DNAH5: variants seen among roughly 807,000 people sequenced by gnomAD.
DNAH5 encodes dynein axonemal heavy chain 5.
A neutral mutation model predicts 518.2 loss-of-function variants in DNAH5; 372 were observed. The ratio of observed to expected loss-of-function variants is 0.72; its 90% confidence interval spans 0.66 to 0.78. The LOEUF is 0.78. DNAH5 is among the 30% of genes least tolerant of loss of function. The probability of loss-of-function intolerance (pLI) is 0.00; values close to 1 mark genes in which losing one functional copy is unlikely to be tolerated. For missense variants in DNAH5, 5,523 were observed against 5,687.0 expected, an observed-to-expected ratio of 0.97 and a Z score of 0.93; for synonymous variants, 2,039 against 2,025.9, an observed-to-expected ratio of 1.01 and a Z score of -0.17.
At chr5:13,793,856 A>C in intron 48 of DNAH5, 80 bp downstream of exon 48, 2 of 1,547,980 alleles carry the variant, frequency 1.3e-6, no homozygotes, top group Non-Finnish European at 1.7e-6. Flanking sequence ...GTAAAAACTT[A>C]AAAAAAATTT....
At chr5:13,973,615 C>G (rs1782024518) in intron 1 of DNAH5, among the ~76,000 whole-genome samples, 1 of 151,604 alleles carries the variant, frequency 6.6e-6, no homozygotes, top group East Asian at 1.9e-4. Flanking sequence ...AGTTAATCTT[C>G]TTTTAGAAAA....
intron 1 of DNAH5, among the ~76,000 whole-genome samples, chr5:13,958,219 A>C (rs933060327): frequency 1.3e-5 from 2 of 152,018 alleles, no homozygotes; most frequent in African/African-American, 2.4e-5. Context: ...AATTTCAATA[A>C]ATTATTATAA....
At position 13,896,910 on chromosome 5, in the gene DNAH5, T is replaced by C. The variant is rs182649017; in HGVS notation, c.2260-2089A>G. Among the ~76,000 whole-genome samples the C allele has an allele frequency of 4.9e-3, 746 of 152,344 alleles. 7 individuals are homozygous for C. The highest frequency in any genetic ancestry group is 8.3e-3 in the Non-Finnish European group (567 of 68,038). Reference sequence around the variant, plus strand: ...TTAAGGTCATATATGTGCATGTTGGTTTTACCTTGATAATAGATGAATGTT... The same window carrying C: ...TTAAGGTCATATATGTGCATGTTGGCTTTACCTTGATAATAGATGAATGTT... On this transcript the variant is annotated intron_variant, in intron 15 of 78. Transcript: ENST00000265104.
intron 78 of DNAH5, 28 bp downstream of exon 78, chr5:13,700,612 C>A (rs1260001777): frequency 6.3e-7 from 1 of 1,582,688 alleles, no homozygotes; most frequent in Admixed American, 1.7e-5. Context: ...ACAATGCGAG[C>A]CCTTACTGAA....
chr5:13,817,054 T>A (rs1375327069), intron 42 of DNAH5, among the ~76,000 whole-genome samples: 1 of 151,374 alleles, frequency 6.6e-6, no homozygotes, highest in African/African-American at 2.4e-5. Flanking sequence ...TTTAAACAAC[T>A]GAACACCAAT....
intron 12 of DNAH5, among the ~76,000 whole-genome samples, chr5:13,909,408 T>C (rs986571872): frequency 6.6e-6 from 1 of 152,146 alleles, no homozygotes; most frequent in African/African-American, 2.4e-5. Context: ...TATACTCACC[T>C]ATTTTCAGAC....
chr5:13,746,485 A>ATATC (rs1217533768), intron 65 of DNAH5, among the ~76,000 whole-genome samples: 1 of 152,134 alleles, frequency 6.6e-6, no homozygotes, highest in Admixed American at 6.6e-5. Context: ...TGCACTACAG[A>ATATC]TCCCTGGGCA....
rs184876367 is a variant in DNAH5 at position 13,824,999 on chromosome 5, C to T, written c.6445-666G>A. Among the ~76,000 whole-genome samples the T allele has an allele frequency of 1.5e-3, 224 of 152,228 alleles. 1 individual carries two copies. In the Middle Eastern group the frequency reaches 0.017, roughly 12 times the overall value. On this transcript the variant is annotated intron_variant, in intron 38 of 78. Coordinates refer to ENST00000265104, the MANE Select transcript of DNAH5 (RefSeq NM_001369.3). The stretch of plus-strand genomic sequence containing the variant: ...AGGTGGTTCCTCAAAAAATTAAAAA[C>T]GGAACGATATGATCCAGCACTCCCA...
chr5:13,741,649 C>A (rs1748561059), intron 65 of DNAH5, among the ~76,000 whole-genome samples: 1 of 152,088 alleles, frequency 6.6e-6, no homozygotes, highest in South Asian at 2.1e-4. Flanking sequence ...AATGAAAATT[C>A]AAACAATTTT....
rs1561233431 is a variant in DNAH5, at chr5:13,778,496, A to AGGGAGGGAGGG, written c.8952-1142_8952-1141insCCCTCCCTCCC. 2.3e-3 allele frequency among the ~76,000 whole-genome samples: 199 copies of AGGGAGGGAGGG among 84,810 alleles called. 11 individuals are homozygous for AGGGAGGGAGGG. The highest frequency in any genetic ancestry group is 0.018 in the Middle Eastern group (4 of 220). 55.6% of individuals were successfully genotyped at this position (84,810 alleles called of 152,430 possible). A position where few individuals can be genotyped will look rare whatever the true frequency, so the allele number is the denominator to read the frequency against. ...GAAGGAAAGAAGGAAGGAAGGAAGGAAGGGAGGGAGGGAGGGAGGGGAGAG... is the reference window on the plus strand; with the variant it reads ...GAAGGAAAGAAGGAAGGAAGGAAGGAGGGAGGGAGGGAGGGAGGGAGGGAGGGAGGGGAGAG... On this transcript the variant is annotated intron_variant, in intron 53 of 78. Transcript: ENST00000265104.
chr5:13,967,143 T>G (rs1238663684), intron 1 of DNAH5, among the ~76,000 whole-genome samples: 1 of 152,242 alleles, frequency 6.6e-6, no homozygotes, highest in African/African-American at 2.4e-5. Context: ...ATTACAACCA[T>G]GAGCCACTGC....
intron 74 of DNAH5, among the ~76,000 whole-genome samples, chr5:13,715,035 T>A (rs1380621558): frequency 1.3e-5 from 2 of 152,100 alleles, no homozygotes. Context: ...TTAGTAATCG[T>A]GGTCCAAATA....
chr5:14,009,222 A>G (rs1032985517), intron 1 of DNAH5, among the ~76,000 whole-genome samples: 1 of 152,242 alleles, frequency 6.6e-6, no homozygotes, highest in Non-Finnish European at 1.5e-5. Flanking sequence ...GAGTGCCAGG[A>G]AAGAGCTTAG....
At chr5:13,982,640 A>ATGAGTAGACATACGCACTATTGCATGAG (rs1782764950) in intron 1 of DNAH5, among the ~76,000 whole-genome samples, 1 of 35,690 alleles carries the variant, frequency 2.8e-5, no homozygotes, top group East Asian at 1.5e-3. Flanking sequence ...TATTGCATGA[A>ATGAGTAGACATACGCACTATTGCATGAG]TGAGTAGACA....
chr5:13,880,796 T>A (rs1771553236), intron 21 of DNAH5, among the ~76,000 whole-genome samples: 1 of 151,310 alleles, frequency 6.6e-6, no homozygotes, highest in Non-Finnish European at 1.5e-5. Flanking sequence ...AGAAAACAAT[T>A]AACAAAAAGG....
In DNAH5 at chr5:13,829,606, C is replaced by T. The variant is rs1210752135; in HGVS notation, c.6348G>A (p.Arg2116=). The T allele has an allele frequency of 1.2e-6, 2 of 1,614,060 alleles. No homozygotes were observed. Among genetic ancestry groups the T allele is most frequent in the Non-Finnish European group, 1.7e-6 (2 of 1,180,040 alleles). The change falls in exon 38 of 79, where the codon AGG becomes AGA. Residue 2116 remains arginine (R), a synonymous_variant. Transcript: ENST00000265104. ...MMVPDRQIII[R]VKLASCGFID... ...TGAAGCCACAACTAGCCAACTTCAC[C>T]CTTATGATAATCTGACGGTCAGGCA...
intron 1 of DNAH5, among the ~76,000 whole-genome samples, chr5:13,994,809 G>A (rs748652093): frequency 1.3e-5 from 2 of 152,068 alleles, no homozygotes; most frequent in Admixed American, 6.6e-5. Context: ...TGCCATTACC[G>A]CATTTGCCTA....
upstream of DNAH5, among the ~76,000 whole-genome samples, chr5:13,946,636 T>C (rs1285246153): frequency 6.6e-6 from 1 of 152,204 alleles, no homozygotes; most frequent in African/African-American, 2.4e-5. Context: ...GCTCTATATA[T>C]AGGACTCACA....
At position 13,913,805 on chromosome 5, in the gene DNAH5, T is replaced by C; in HGVS notation, c.1474A>G (p.Thr492Ala). 1.2e-6 allele frequency: 2 copies of C among 1,613,630 alleles called. No individual in the cohort carries two copies. The highest frequency in any genetic ancestry group is 1.3e-5 in the African/African-American group (1 of 75,028). The change falls in exon 11 of 79, where the codon ACG becomes GCG. Residue 492 changes from threonine to alanine, a missense_variant. Around this residue, in one of 3 missense-constraint regions of DNAH5, gnomAD observed 5,121 missense variants for 5,223.3 expected, o/e 0.98. Coordinates refer to ENST00000265104, the MANE Select transcript of DNAH5 (RefSeq NM_001369.3). ...GTGGAATCTTGCAGGACTGAATACG[T>C]CTTGAGGGTTGTAAAGATGTCTATT... ...KIIDIFTTLK[T>A]YSVLQDSTIE...
Sources: gnomAD v4.1 joint callset for allele counts (sites outside exome capture counted in the v4.1 genomes callset) on GRCh38, gnomAD v4.1.1 for gene constraint, gnomAD v4.1.1 regional missense constraint, MANE v1.5 for transcripts, NCBI Gene and HGNC (gene_info 2026-07-23, HGNC 2026-07-21) for gene names.